NHS: variants seen among roughly 807,000 people sequenced by gnomAD.
The protein encoded by NHS is actin remodeling regulator NHS.
In NHS, 5 loss-of-function variants were observed where a neutral mutation model predicts 72.5. That is an observed-to-expected ratio of 0.07 (90% confidence interval 0.04 to 0.14). NHS has a LOEUF of 0.14. Among genes scored for constraint, NHS ranks in the 10% least tolerant of loss-of-function variants. The pLI, the probability that NHS is intolerant of heterozygous loss-of-function variation, is 1.00. For synonymous variants in NHS, 464 were observed against 547.7 expected, an observed-to-expected ratio of 0.85 and a Z score of 2.13; for missense variants, 1,072 against 1,355.7, an observed-to-expected ratio of 0.79 and a Z score of 3.29.
chrX:17,694,627 C>T (rs1229604888), intron 3 of NHS, among the ~76,000 whole-genome samples: 1 of 112,329 alleles, frequency 8.9e-6, no homozygotes, highest in Non-Finnish European at 1.9e-5. Context: ...AGCTCTACCA[C>T]TTGCGAGCTG....
At chrX:17,679,321 C>A (rs1452506639) in intron 1 of NHS, among the ~76,000 whole-genome samples, 1 of 111,580 alleles carries the variant, frequency 9.0e-6, no homozygotes, top group Non-Finnish European at 1.9e-5. Flanking sequence ...GGTGCAAAAC[C>A]CCACTTGAGC....
At position 17,678,085 on chromosome X, in the gene NHS, C is replaced by T. The variant is rs779904690; in HGVS notation, c.566-9657C>T. Among the ~76,000 whole-genome samples the T allele has an allele frequency of 2.0e-3, 219 of 111,371 alleles. 1 individual carries two copies. The highest frequency in any genetic ancestry group is 0.014 in the Middle Eastern group (3 of 215). On this transcript the variant is annotated intron_variant, in intron 1 of 8. Transcript: ENST00000676302. ...AGTGATCTGCCTGCCTTGGCCACTG[C>T]GTTTGGCCAAATTCTTTTATTTTTA...
chrX:17,429,678 A>G (rs2064678241), intron 1 of NHS, among the ~76,000 whole-genome samples: 1 of 111,595 alleles, frequency 9.0e-6, no homozygotes, highest in African/African-American at 3.3e-5. Context: ...TTAGAAAAGA[A>G]TGGTGCAGAG....
chrX:17,492,449 T>A (rs1220768147), intron 1 of NHS, among the ~76,000 whole-genome samples: 1 of 112,564 alleles, frequency 8.9e-6, no homozygotes, highest in African/African-American at 3.2e-5. Flanking sequence ...CAGTTTTGAG[T>A]GACTTTCTTC....
At chrX:17,422,210 A>G (rs1051378171) in intron 1 of NHS, among the ~76,000 whole-genome samples, 3 of 112,107 alleles carry the variant, frequency 2.7e-5, no homozygotes, top group African/African-American at 9.7e-5. Flanking sequence ...GGTTCTTTTG[A>G]TCAATATTAT....
At chrX:17,511,460 G>A (rs2065087391) in intron 1 of NHS, among the ~76,000 whole-genome samples, 1 of 111,535 alleles carries the variant, frequency 9.0e-6, no homozygotes, top group South Asian at 3.8e-4. Flanking sequence ...TGCCAGATAA[G>A]ACAGTCACCT....
intron 1 of NHS, among the ~76,000 whole-genome samples, chrX:17,540,620 G>A (rs2065257887): frequency 8.9e-6 from 1 of 112,154 alleles, no homozygotes; most frequent in Non-Finnish European, 1.9e-5. Context: ...GAACAGAAAT[G>A]ATGAAATCTG....
At position 17,422,557 on chromosome X, in the gene NHS, C is replaced by T. The variant is rs749593434; in HGVS notation, c.565+46235C>T. On this transcript the variant is annotated intron_variant, in intron 1 of 8. Coordinates refer to ENST00000676302, the MANE Select transcript of NHS (RefSeq NM_001291867.2). ...TCTTTGCTGTGGAGCTGTCTGTGCA[C>T]TGTAGGATGTTTAGCCACACCCCTG... is the stretch of plus-strand genomic sequence containing the variant. 4.5e-5 allele frequency among the ~76,000 whole-genome samples: 5 copies of T among 111,734 alleles called. No homozygotes were observed. The South Asian group carries it at 1.9e-3, about 43-fold the overall frequency.
chrX:17,730,766 A>G (rs1767393622), intron 8 of NHS, among the ~76,000 whole-genome samples: 1 of 112,189 alleles, frequency 8.9e-6, no homozygotes, highest in African/African-American at 3.2e-5. Context: ...TTTACATCAC[A>G]GCAAAAAGAA....
chrX:17,521,624 A>T (rs1285367996), intron 1 of NHS, among the ~76,000 whole-genome samples: 1 of 110,913 alleles, frequency 9.0e-6, no homozygotes, highest in Non-Finnish European at 1.9e-5. Context: ...CAGCCTCCCA[A>T]ACTGCTGGGA....
intron 1 of NHS, among the ~76,000 whole-genome samples, chrX:17,410,047 A>T (rs2146858261): frequency 9.0e-6 from 1 of 111,550 alleles, no homozygotes; most frequent in South Asian, 3.8e-4. Flanking sequence ...CAGAGAATGA[A>T]ACCCTTTTTT....
intron 1 of NHS, among the ~76,000 whole-genome samples, chrX:17,588,671 G>A (rs747503693): frequency 9.1e-6 from 1 of 110,496 alleles, no homozygotes; most frequent in South Asian, 3.9e-4. Context: ...CAGGGTTTCA[G>A]GATCTTCATC....
chrX:17,538,297 A>G (rs1240918099), intron 1 of NHS, among the ~76,000 whole-genome samples: 1 of 111,790 alleles, frequency 8.9e-6, no homozygotes, highest in Non-Finnish European at 1.9e-5. Context: ...GCTTCCTCTA[A>G]AAGCAGACAT....
chrX:17,492,572 A>G (rs1247597842), intron 1 of NHS, among the ~76,000 whole-genome samples: 1 of 112,114 alleles, frequency 8.9e-6, no homozygotes, highest in Non-Finnish European at 1.9e-5. Flanking sequence ...TCAATTTTAG[A>G]ATAAGTGAAA....
intron 1 of NHS, among the ~76,000 whole-genome samples, chrX:17,494,798 A>C (rs1386941305): frequency 8.9e-6 from 1 of 112,110 alleles, no homozygotes; most frequent in African/African-American, 3.2e-5. Context: ...TTTTTTAAAA[A>C]CCCAAAACAT....
At chrX:17,406,959 G>A (rs1369076640) in intron 1 of NHS, among the ~76,000 whole-genome samples, 1 of 111,763 alleles carries the variant, frequency 8.9e-6, no homozygotes, top group African/African-American at 3.3e-5. Context: ...CAAATTTTTA[G>A]CATCAAAATC....
In NHS at chrX:17,649,690, T is replaced by C. The variant is rs750148317; in HGVS notation, c.566-38052T>C. ...TTTAACAGGTCACAATAGAGTAGTT[T>C]ATGCCAGATGGTTTGGAGAATTTTG... On this transcript the variant is annotated intron_variant, in intron 1 of 8. Coordinates refer to ENST00000676302, the MANE Select transcript of NHS (RefSeq NM_001291867.2). Among the ~76,000 whole-genome samples the C allele has an allele frequency of 7.1e-5, 8 of 112,074 alleles. No homozygotes were observed. The South Asian group carries it at 3.0e-3, about 43-fold the overall frequency.
At chrX:17,399,515 A>T (rs1017196735) in intron 1 of NHS, among the ~76,000 whole-genome samples, 1 of 111,806 alleles carries the variant, frequency 8.9e-6, no homozygotes, top group Non-Finnish European at 1.9e-5. Flanking sequence ...CAGTCTTTCC[A>T]TCAACAACTC....
chrX:17,563,143 C>T lies in NHS; in HGVS notation c.566-124599C>T, dbSNP rs774128445. 8.9e-5 allele frequency among the ~76,000 whole-genome samples: 10 copies of T among 112,567 alleles called. No individual in the cohort carries two copies. The East Asian group carries it at 2.8e-3, about 31-fold the overall frequency. On this transcript the variant is annotated intron_variant, in intron 1 of 8. Transcript: ENST00000676302. Reference sequence around the variant, plus strand: ...ATGTCTAGGGCCACAGGACAAACATCTGCAATGCAGAAGAAACTGACAGAG... The same window carrying T: ...ATGTCTAGGGCCACAGGACAAACATTTGCAATGCAGAAGAAACTGACAGAG...
Sources: allele counts gnomAD v4.1 joint callset (sites outside exome capture counted in the v4.1 genomes callset), GRCh38; gene constraint gnomAD v4.1.1; transcripts MANE v1.5; gene names NCBI Gene and HGNC (gene_info 2026-07-23, HGNC 2026-07-21).